CAMTA2: variants seen among roughly 807,000 people sequenced by gnomAD.
CAMTA2 encodes the protein calmodulin-binding transcription activator 2.
CAMTA2 carries 56 observed loss-of-function variants against 135.7 expected under a neutral mutation model. The ratio of observed to expected loss-of-function variants is 0.41; its 90% confidence interval spans 0.33 to 0.52. The LOEUF (loss-of-function observed/expected upper bound fraction) is 0.52, where lower values mean the gene tolerates loss of function less well. Among genes scored for constraint, CAMTA2 ranks in the 20% least tolerant of loss-of-function variants. The pLI is 0.16. For synonymous variants in CAMTA2, 591 were observed against 604.6 expected (o/e 0.98, Z 0.33); for missense variants, 1,358 against 1,553.4 (o/e 0.87, Z 2.11).
chr17:4,973,254 C>T lies in CAMTA2; in HGVS notation c.2202-1G>A. On this transcript the variant is annotated splice_acceptor_variant, in intron 13 of 22. Transcript: ENST00000348066. LOFTEE classifies it high-confidence loss of function. The stretch of plus-strand genomic sequence containing the variant: ...GTCCAAGCTTCCAGTCTCCACACTC[C>T]TGGAGGGTTTGGGAGAGAGACAGCA... The T allele has an allele frequency of 1.9e-6, 3 of 1,612,634 alleles. No individual in the cohort carries two copies. The highest frequency in any genetic ancestry group is 2.5e-6 in the Non-Finnish European group (3 of 1,178,674).
At chr17:4,983,532 G>A (rs923104822) in intron 3 of CAMTA2, among the ~76,000 whole-genome samples, 48 of 151,124 alleles carry the variant, frequency 3.2e-4, no homozygotes, top group African/African-American at 1.1e-3. Context: ...TGATCCACCC[G>A]CCTTGGCCTC....
At chr17:4,975,341 TGAA>T (rs1244341712) in intron 11 of CAMTA2, among the ~76,000 whole-genome samples, 1 of 147,966 alleles carries the variant, frequency 6.8e-6, no homozygotes, top group Non-Finnish European at 1.5e-5. Flanking sequence ...AAAGATAAAG[TGAA>T]GGAGAGGAGA....
rs745435850 is a variant in CAMTA2 at position 4,970,132 on chromosome 17, T to C, written c.3006-47A>G. Reference sequence around the variant, plus strand: ...GGTGTCATGAAGCATCTGAAGTCCCTCCTCTGCCACCTATGGATGGCTACG... The same window carrying C: ...GGTGTCATGAAGCATCTGAAGTCCCCCCTCTGCCACCTATGGATGGCTACG... On this transcript the variant is annotated intron_variant, in intron 17 of 22. Transcript: ENST00000348066. The C allele has an allele frequency of 1.0e-5, 16 of 1,575,404 alleles. No individual in the cohort carries two copies. In the South Asian group the frequency reaches 1.5e-4, roughly 14 times the overall value.
At chr17:4,982,619 CA>C in intron 5 of CAMTA2, 137 bp downstream of exon 5, 1 of 959,502 alleles carries the variant, frequency 1.0e-6, no homozygotes, top group Non-Finnish European at 1.5e-6. Context: ...TCAGCCGACC[CA>C]AAGTGAGTGA....
intron 16 of CAMTA2, among the ~76,000 whole-genome samples, chr17:4,972,006 C>T (rs1268033440): frequency 6.6e-6 from 1 of 152,088 alleles, no homozygotes; most frequent in African/African-American, 2.4e-5. Context: ...TTTTTTCCAA[C>T]ATCTGTATTG....
chr17:4,973,282 G>A, intron 13 of CAMTA2, 29 bp from the exon 14 acceptor site: 3 of 1,568,296 alleles, frequency 1.9e-6, no homozygotes, highest in South Asian at 1.1e-5. Context: ...AGACAGCAGA[G>A]CCCAATGAGG....
rs1245492006 is a variant in CAMTA2 at position 4,979,833 on chromosome 17, C to T, written c.1489G>A (p.Glu497Lys). The T allele has an allele frequency of 4.3e-6, 7 of 1,613,712 alleles. No homozygotes were observed. The highest frequency in any genetic ancestry group is 4.0e-5 in the African/African-American group (3 of 74,816). Residue 497 changes from glutamate to lysine, a missense_variant, in exon 9 of 23, where the codon GAA becomes AAA. This residue lies in a region of CAMTA2 where 1,077 missense variants were observed against 1,127.5 expected (regional missense o/e 0.96). Transcript: ENST00000348066. Reference protein sequence around the residue: ...ALFGGPVGASELEPFSLSSFP... With the variant: ...ALFGGPVGASKLEPFSLSSFP... ...GATGAAAGACTGAAGGGCTCCAGTT[C>T]ACTGGCCCCAACAGGTCCTCCAAAC...
chr17:4,972,718 C>A, intron 15 of CAMTA2, 51 bp downstream of exon 15: 1 of 1,562,518 alleles, frequency 6.4e-7, no homozygotes, highest in Non-Finnish European at 8.8e-7. Flanking sequence ...TTTGTCCTGG[C>A]CTATCCTCCT....
chr17:4,968,073 G>A lies in CAMTA2; in HGVS notation c.*683C>T, dbSNP rs1972022357. Reference sequence around the variant, plus strand: ...TAGAAAGTGCCCGTGGAGCCGGCAGGAGGCCCCCGCCGCGCTAGAGAACCA... The same window carrying A: ...TAGAAAGTGCCCGTGGAGCCGGCAGAAGGCCCCCGCCGCGCTAGAGAACCA... On this transcript the variant is annotated 3_prime_UTR_variant, in exon 23 of 23. Coordinates refer to ENST00000348066, the MANE Select transcript of CAMTA2 (RefSeq NM_015099.4). 3.9e-6 allele frequency: 2 copies of A among 509,720 alleles called. No individual in the cohort carries two copies. Among genetic ancestry groups the A allele is most frequent in the African/African-American group, 3.9e-5 (2 of 51,882 alleles). 31.6% of individuals were successfully genotyped at this position (509,720 alleles called of 1,614,324 possible).
rs149983655 is a variant in CAMTA2, at chr17:4,972,407, T to C, written c.2633A>G (p.Asp878Gly). 2,160 of 1,614,024 alleles carry C rather than the reference T, an allele frequency of 1.3e-3. 3 individuals are homozygous for C. The highest frequency in any genetic ancestry group is 1.7e-3 in the Non-Finnish European group (2,002 of 1,179,966). The change falls in exon 16 of 23, where the codon GAC becomes GGC. Residue 878 changes from aspartate (D) to glycine (G), a missense_variant. Transcript: ENST00000348066. Reference protein sequence around the residue: ...PLPASEMTMEDMAPGQLSSGV... With the variant: ...PLPASEMTMEGMAPGQLSSGV... ...AGAGGAAAGCTGGCCTGGGGCCATG[T>C]CCTCCATAGTCATCTCAGAGGCTGG...
At position 4,968,038 on chromosome 17, in the gene CAMTA2, C is replaced by T. The variant is rs1972019255; in HGVS notation, c.*718G>A. On this transcript the variant is annotated 3_prime_UTR_variant, in exon 23 of 23. Coordinates refer to ENST00000348066, the MANE Select transcript of CAMTA2 (RefSeq NM_015099.4). ...AATGGCAATTCGTATAAACCAAGCC[C>T]ATGCACAAGTAGAAAGTGCCCGTGG... is the stretch of plus-strand genomic sequence containing the variant. 3.6e-6 allele frequency: 2 copies of T among 555,072 alleles called. No homozygotes were observed. Among genetic ancestry groups the T allele is most frequent in the Admixed American group, 3.4e-5 (1 of 29,694 alleles). 34.4% of individuals were successfully genotyped at this position (555,072 alleles called of 1,614,324 possible).
chr17:4,983,345 C>T lies in CAMTA2; in HGVS notation c.136-302G>A, dbSNP rs140890237. 3.2e-3 allele frequency: 899 copies of T among 280,814 alleles called. 5 individuals carry two copies. The highest frequency in any genetic ancestry group is 0.019 in the African/African-American group (829 of 44,226). The allele number at this position is 280,814 out of a possible 1,614,324, so 17.4% of individuals were successfully genotyped here. ...TTGCCCAGGCTGGAGTGCAATGGCG[C>T]GATCTCAGCTCACTGCAACCTCTGC... On this transcript the variant is annotated intron_variant, in intron 3 of 22. Coordinates refer to ENST00000348066, the MANE Select transcript of CAMTA2 (RefSeq NM_015099.4).
chr17:4,973,149 T>C (rs994959903), intron 14 of CAMTA2, 26 bp downstream of exon 14: 3 of 1,601,856 alleles, frequency 1.9e-6, no homozygotes, highest in Middle Eastern at 1.7e-4. Context: ...CTGCCCCATA[T>C]GCGCTCAGGA....
Position 4,984,877 on chromosome 17 carries a change from G to C in CAMTA2, c.135+1003C>G, listed in dbSNP as rs189176857. 1.6e-4 allele frequency among the ~76,000 whole-genome samples: 25 copies of C among 152,274 alleles called. No individual in the cohort carries two copies. The East Asian group carries it at 4.6e-3, about 28-fold the overall frequency. On this transcript the variant is annotated intron_variant, in intron 3 of 22. Transcript: ENST00000348066. The stretch of plus-strand genomic sequence containing the variant: ...CTACTAAAAATACAAAAATTAGCCA[G>C]GTGTGGTGGCGTGCCTGTAGTCCCA...
Position 4,969,243 on chromosome 17 carries a change from C to T in CAMTA2, c.3377G>A (p.Arg1126Gln), listed in dbSNP as rs1972107025. Residue 1126 changes from arginine to glutamine, a missense_variant, in exon 21 of 23, where the codon CGA becomes CAA. Arg to Gln is a conservative substitution (Grantham distance 43, BLOSUM62 1). Around this residue, in one of 4 missense-constraint regions of CAMTA2, gnomAD observed 167 missense variants for 207.0 expected, o/e 0.81. Coordinates refer to ENST00000348066, the MANE Select transcript of CAMTA2 (RefSeq NM_015099.4). The surrounding 1 kb of genome is among the most constrained non-coding windows in gnomAD (Gnocchi z 5.6). ...YEQKRFQQSR[R>Q]AAVLIQQHYR... ...GTGCTGCTGGATGAGCACAGCCGCT[C>T]GGCGGCTCTGCTGAAATCGCTTCTG... 7 of 1,613,678 alleles carry T rather than the reference C, an allele frequency of 4.3e-6. No homozygotes were observed. The highest frequency in any genetic ancestry group is 1.3e-5 in the African/African-American group (1 of 75,030).
chr17:4,969,379 A>G lies in CAMTA2; in HGVS notation c.3283-42T>C. On this transcript the variant is annotated intron_variant, in intron 20 of 22. Coordinates refer to ENST00000348066, the MANE Select transcript of CAMTA2 (RefSeq NM_015099.4). This position sits in a 1 kb window ranked among gnomAD's most constrained non-coding sequence, Gnocchi z 5.6. ...GAGGGACAGGGGCTGAAATAGAGGG[A>G]CGGAGACCCAAAGCCCTGAGGCTCA... The G allele has an allele frequency of 1.9e-6, 3 of 1,610,294 alleles. No individual in the cohort carries two copies. Among genetic ancestry groups the G allele is most frequent in the Non-Finnish European group, 2.5e-6 (3 of 1,176,580 alleles).
Position 4,969,847 on chromosome 17 carries a change from C to T in CAMTA2, c.3189+55G>A. The T allele has an allele frequency of 6.2e-7, 1 of 1,601,370 alleles. No homozygotes were observed. The highest frequency in any genetic ancestry group is 8.5e-7 in the Non-Finnish European group (1 of 1,170,302). ...CTCATCCTCCAAAAGCCCTGGGAGC[C>T]CAGTCTCCCCTGACTGGAGATTGTG... On this transcript the variant is annotated intron_variant, in intron 18 of 22. Coordinates refer to ENST00000348066, the MANE Select transcript of CAMTA2 (RefSeq NM_015099.4). This position sits in a 1 kb window ranked among gnomAD's most constrained non-coding sequence, Gnocchi z 5.6.
At chr17:4,985,581 G>A (rs1597783790) in intron 3 of CAMTA2, among the ~76,000 whole-genome samples, 1 of 152,072 alleles carries the variant, frequency 6.6e-6, no homozygotes, top group South Asian at 2.1e-4. Flanking sequence ...ACATCACCAC[G>A]CCTGGCTGCT....
At chr17:4,985,023 A>G (rs1174968227) in intron 3 of CAMTA2, among the ~76,000 whole-genome samples, 1 of 125,828 alleles carries the variant, frequency 7.9e-6, no homozygotes, top group Non-Finnish European at 1.9e-5. Context: ...TCTCAAAAAA[A>G]AAACAAACAA....
Sources: allele counts gnomAD v4.1 joint callset (sites outside exome capture counted in the v4.1 genomes callset), GRCh38; gene constraint gnomAD v4.1.1; regional missense constraint gnomAD v4.1.1; non-coding constraint Gnocchi (gnomAD v3.1); transcripts MANE v1.5; gene names NCBI Gene and HGNC (gene_info 2026-07-23, HGNC 2026-07-21).